Variants in NLGN1 observed in about 807,000 individuals in gnomAD.
The protein encoded by NLGN1 is neuroligin 1.
In NLGN1, 12 loss-of-function variants were observed where a neutral mutation model predicts 65.5. The observed-to-expected ratio is 0.18, with a 90% CI of 0.12 to 0.30. The LOEUF (loss-of-function observed/expected upper bound fraction) is 0.30, where lower values mean the gene tolerates loss of function less well. Among genes scored for constraint, NLGN1 ranks in the 10% least tolerant of loss-of-function variants. NLGN1 has a pLI of 1.00. For synonymous variants in NLGN1, 350 were observed against 359.5 expected (o/e 0.97, Z 0.30); for missense variants, 750 against 1,007.1 (o/e 0.74, Z 3.46).
chr3:174,167,301 T>C (rs1727677426), intron 4 of NLGN1, among the ~76,000 whole-genome samples: 1 of 152,084 alleles, frequency 6.6e-6, no homozygotes, highest in Non-Finnish European at 1.5e-5. Context: ...AAACTATGTA[T>C]TTAAGTGTGT....
intron 4 of NLGN1, among the ~76,000 whole-genome samples, chr3:174,042,006 A>G (rs1283565448): frequency 6.6e-6 from 1 of 151,966 alleles, no homozygotes; most frequent in Non-Finnish European, 1.5e-5. Context: ...GTGAGCTGAG[A>G]TTGTGCCACT....
intron 1 of NLGN1, among the ~76,000 whole-genome samples, chr3:173,433,660 A>G (rs541104375): frequency 6.6e-6 from 1 of 151,722 alleles, no homozygotes; most frequent in South Asian, 2.1e-4. Context: ...TGGTACATAG[A>G]TAAGTTTTTA....
intron 4 of NLGN1, among the ~76,000 whole-genome samples, chr3:174,103,083 TC>T (rs1561048129): frequency 6.6e-6 from 1 of 152,208 alleles, no homozygotes; most frequent in Non-Finnish European, 1.5e-5. Context: ...GAACTGTAAA[TC>T]TTTTTCTCAG....
chr3:173,668,746 C>T (rs541558334), intron 3 of NLGN1, among the ~76,000 whole-genome samples: 1 of 151,836 alleles, frequency 6.6e-6, no homozygotes, highest in Non-Finnish European at 1.5e-5. Context: ...GCCTCAGCCT[C>T]CTGAGTAGCT....
At chr3:173,902,652 C>A (rs144277548) in intron 4 of NLGN1, among the ~76,000 whole-genome samples, 1 of 152,046 alleles carries the variant, frequency 6.6e-6, no homozygotes, top group Non-Finnish European at 1.5e-5. Flanking sequence ...TTTCAACAGA[C>A]TTTATAGCCT....
intron 4 of NLGN1, among the ~76,000 whole-genome samples, chr3:174,154,209 A>C (rs1166270165): frequency 2.6e-5 from 4 of 152,080 alleles, no homozygotes; most frequent in African/African-American, 9.7e-5. Flanking sequence ...TCCTGGACAG[A>C]AAATGAATCA....
chr3:174,082,728 C>CT (rs889097977), intron 4 of NLGN1, among the ~76,000 whole-genome samples: 21 of 150,490 alleles, frequency 1.4e-4, no homozygotes, highest in Admixed American at 6.0e-4. Flanking sequence ...TCATTTTTTT[C>CT]TTTTTTTTTG....
rs1276891997 is a variant in NLGN1 at position 174,124,596 on chromosome 3, TATACATATATACGTATATATAC to T, written c.647-150718_647-150697del. On this transcript the variant is annotated intron_variant, in intron 4 of 6. Transcript: ENST00000457714. ...ATACACATATATACGTATATATACG[TATACATATATACGTATATATAC>T]GTATACACATATACGTATATATATA... Among the ~76,000 whole-genome samples the T allele has an allele frequency of 6.2e-5, 5 of 80,624 alleles. No individual in the cohort carries two copies. In the East Asian group the frequency reaches 1.5e-3, roughly 24 times the overall value. 52.9% of individuals were successfully genotyped at this position (80,624 alleles called of 152,430 possible). A position where few individuals can be genotyped will look rare whatever the true frequency, so the allele number is the denominator to read the frequency against.
At chr3:173,449,371 T>C (rs553359732) in intron 2 of NLGN1, among the ~76,000 whole-genome samples, 14 of 152,110 alleles carry the variant, frequency 9.2e-5, no homozygotes, top group Non-Finnish European at 1.9e-4. Flanking sequence ...AGTTGAGCGG[T>C]TTTGAGTGAG....
At position 173,415,937 on chromosome 3, in the gene NLGN1, A is replaced by AGCGC. The variant is rs1258466621; in HGVS notation, c.-390+17451_-390+17452insCGCG. ...GAGAGAGGGAGAGAGAGAGAGAGAG[A>AGCGC]GAGAGAGCTTGGTATAGAGCCTAAC... On this transcript the variant is annotated intron_variant, in intron 1 of 6. Coordinates refer to ENST00000457714, the Ensembl canonical transcript of NLGN1. 9.4e-4 allele frequency among the ~76,000 whole-genome samples: 135 copies of AGCGC among 143,058 alleles called. 1 individual carries two copies. The highest frequency in any genetic ancestry group is 3.6e-3 in the African/African-American group (125 of 34,894). 93.9% of individuals were successfully genotyped at this position (143,058 alleles called of 152,430 possible).
intron 2 of NLGN1, among the ~76,000 whole-genome samples, chr3:173,547,758 A>T (rs535072640): frequency 2.6e-4 from 40 of 152,246 alleles, no homozygotes; most frequent in Admixed American, 8.5e-4. Context: ...CCAGGCTATC[A>T]GCAATCAGAA....
intron 4 of NLGN1, among the ~76,000 whole-genome samples, chr3:174,208,497 C>CT (rs1199957065): frequency 6.6e-6 from 1 of 152,088 alleles, no homozygotes; most frequent in Non-Finnish European, 1.5e-5. Flanking sequence ...CTTTAGAAAG[C>CT]TAAGTCTAGG....
intron 2 of NLGN1, among the ~76,000 whole-genome samples, chr3:173,467,490 C>G (rs577029224): frequency 2.6e-5 from 4 of 152,162 alleles, no homozygotes; most frequent in East Asian, 3.9e-4. Context: ...ATTGGTCAAA[C>G]CTTGCCTGCA....
At chr3:173,491,779 G>A (rs528763894) in intron 2 of NLGN1, among the ~76,000 whole-genome samples, 7 of 151,732 alleles carry the variant, frequency 4.6e-5, no homozygotes, top group Admixed American at 3.9e-4. Flanking sequence ...CTCCTAAACT[G>A]AGCATTATTT....
intron 2 of NLGN1, among the ~76,000 whole-genome samples, chr3:173,448,523 C>G (rs1175067111): frequency 6.6e-6 from 1 of 152,088 alleles, no homozygotes; most frequent in Non-Finnish European, 1.5e-5. Flanking sequence ...CTAAAATTCT[C>G]TTTTTTGGTT....
chr3:173,948,677 T>C (rs774918834), intron 4 of NLGN1, among the ~76,000 whole-genome samples: 4 of 152,158 alleles, frequency 2.6e-5, no homozygotes, highest in Non-Finnish European at 4.4e-5. Flanking sequence ...AGACACAAGA[T>C]GGGTACACAC....
intron 4 of NLGN1, among the ~76,000 whole-genome samples, chr3:174,129,245 G>A (rs1038940856): frequency 6.6e-6 from 1 of 151,710 alleles, no homozygotes; most frequent in African/African-American, 2.4e-5. Context: ...TCAATTTTTT[G>A]GCTCATAATT....
At chr3:173,762,998 A>ACACACG (rs1451875205) in intron 3 of NLGN1, among the ~76,000 whole-genome samples, 26 of 151,796 alleles carry the variant, frequency 1.7e-4, no homozygotes, top group African/African-American at 6.3e-4. Flanking sequence ...ACACACACAC[A>ACACACG]CAGAATCTTT....
intron 3 of NLGN1, among the ~76,000 whole-genome samples, chr3:173,714,257 A>G (rs1257073530): frequency 6.6e-6 from 1 of 152,086 alleles, no homozygotes; most frequent in East Asian, 1.9e-4. Flanking sequence ...GGTAGCTACG[A>G]TTCTGGTTAA....
Sources: allele counts gnomAD v4.1 joint callset (sites outside exome capture counted in the v4.1 genomes callset), GRCh38; gene constraint gnomAD v4.1.1; transcripts MANE v1.5; gene names NCBI Gene and HGNC (gene_info 2026-07-23, HGNC 2026-07-21).